Variants in NEK8 observed in about 807,000 individuals in gnomAD.
NEK8 encodes NIMA related kinase 8.
In NEK8, 51 loss-of-function variants were observed where a neutral mutation model predicts 77.2. That is an observed-to-expected ratio of 0.66 (90% CI 0.53 to 0.83). NEK8 has a LOEUF of 0.83. NEK8 is among the 40% of genes least tolerant of loss of function. NEK8 has a pLI of 0.00. For synonymous variants in NEK8, 365 were observed against 363.2 expected (o/e 1.00, Z -0.06); for missense variants, 787 against 909.2 (o/e 0.87, Z 1.73).
chr17:28,729,869 C>T (rs938254112), intron 1 of NEK8, among the ~76,000 whole-genome samples: 22 of 151,930 alleles, frequency 1.4e-4, no homozygotes, highest in African/African-American at 5.3e-4. Context: ...AAGGCCAAGA[C>T]TTGAGGAATG....
Position 28,737,986 on chromosome 17 carries a change from C to T in NEK8, c.1057C>T (p.Leu353Phe). The T allele has an allele frequency of 1.9e-6, 3 of 1,612,114 alleles. No individual in the cohort carries two copies. Among genetic ancestry groups the T allele is most frequent in the South Asian group, 2.2e-5 (2 of 91,028 alleles). ...AGCCGGCGTCACGCGCTCTGGGCGT[C>T]TCATCCTGTGGGAGGTGAGCAGGCC... ...QKAGVTRSGRLILWEAPPLGA... is the reference protein window; with the variant it reads ...QKAGVTRSGRFILWEAPPLGA... Residue 353 changes from leucine to phenylalanine, a missense_variant, in exon 7 of 15, where the codon CTC becomes TTC. This residue lies in a region of NEK8 where 516 missense variants were observed against 544.0 expected (regional missense o/e 0.95). Coordinates refer to ENST00000268766, the MANE Select transcript of NEK8 (RefSeq NM_178170.3). The surrounding 1 kb of genome is among the most constrained non-coding windows in gnomAD (Gnocchi z 4.8).
chr17:28,738,363 G>A (rs2034388228), intron 8 of NEK8, 118 bp downstream of exon 8: 2 of 1,251,032 alleles, frequency 1.6e-6, no homozygotes. Flanking sequence ...TCGAGTTATT[G>A]CTTCTGTCTA....
rs746222138 is a variant in NEK8, at chr17:28,741,414, G to A, written c.1893G>A (p.Glu631=). Residue 631 remains glutamate (E), a splice_region_variant and synonymous_variant, in exon 14 of 15, where the codon GAG becomes GAA. Coordinates refer to ENST00000268766, the MANE Select transcript of NEK8 (RefSeq NM_178170.3). This position sits in a 1 kb window ranked among gnomAD's most constrained non-coding sequence, Gnocchi z 4.5. ...GDAFTVAIGA[E]SEVYSWGKGA... ...CCTCCTGGGGATTCTTCCTGGCAGA[G>A]AGCGAAGTGTACTCTTGGGGCAAAG... is the stretch of plus-strand genomic sequence containing the variant. 51 of 1,613,902 alleles carry A rather than the reference G, an allele frequency of 3.2e-5. No homozygotes were observed. In the Admixed American group the frequency reaches 3.5e-4, roughly 11 times the overall value.
intron 2 of NEK8, 67 bp downstream of exon 2, chr17:28,734,255 T>G: frequency 7.3e-7 from 1 of 1,373,938 alleles, no homozygotes; most frequent in South Asian, 1.2e-5. Flanking sequence ...CAGACACAGA[T>G]CTCCTGGCTT....
intron 1 of NEK8, among the ~76,000 whole-genome samples, chr17:28,730,152 G>C (rs532590388): frequency 6.6e-6 from 1 of 152,024 alleles, no homozygotes; most frequent in Non-Finnish European, 1.5e-5. Context: ...TTGCACTGTC[G>C]CTCAGGCTGG....
At chr17:28,730,201 C>T (rs2151730345) in intron 1 of NEK8, among the ~76,000 whole-genome samples, 1 of 152,132 alleles carries the variant, frequency 6.6e-6, no homozygotes, top group Non-Finnish European at 1.5e-5. Flanking sequence ...ATCTCCGCCT[C>T]CCGGGTTCAC....
intron 4 of NEK8, among the ~76,000 whole-genome samples, chr17:28,735,778 TTA>T (rs1035671627): frequency 5.8e-4 from 72 of 123,232 alleles, no homozygotes; most frequent in African/African-American, 2.1e-3. Flanking sequence ...GTTTATTTAT[TTA>T]TTTTTTTTAT....
chr17:28,728,949 C>A, intron 1 of NEK8, 89 bp downstream of exon 1: 2 of 1,215,264 alleles, frequency 1.6e-6, no homozygotes, highest in South Asian at 1.3e-5. Context: ...CGCCTAATCC[C>A]GCCCCAAGGC....
At chr17:28,735,165 C>T (rs2034351042) in intron 3 of NEK8, 75 bp from the exon 4 acceptor site, 1 of 1,595,856 alleles carries the variant, frequency 6.3e-7, no homozygotes, top group African/African-American at 1.3e-5. Flanking sequence ...AAGAAGCTGT[C>T]CCCAAATGGG....
At position 28,741,659 on chromosome 17, in the gene NEK8, A is replaced by C; in HGVS notation, c.2050+88A>C. 3 of 1,410,460 alleles carry C rather than the reference A, an allele frequency of 2.1e-6. No individual in the cohort carries two copies. The highest frequency in any genetic ancestry group is 3.0e-6 in the Non-Finnish European group (3 of 998,430). 87.4% of individuals were successfully genotyped at this position (1,410,460 alleles called of 1,614,324 possible). On this transcript the variant is annotated intron_variant, in intron 14 of 14. Transcript: ENST00000268766. The surrounding 1 kb of genome is among the most constrained non-coding windows in gnomAD (Gnocchi z 4.5). ...CCCAGTGTTCACAGATGGCCACATC[A>C]CCAAAAGCATCTTTAGCCCCCAGAT...
Position 28,738,150 on chromosome 17 carries a change from C to G in NEK8, c.1127C>G (p.Pro376Arg). The G allele has an allele frequency of 6.2e-7, 1 of 1,614,136 alleles. No homozygotes were observed. Among genetic ancestry groups the G allele is most frequent in the Non-Finnish European group, 8.5e-7 (1 of 1,180,002 alleles). Residue 376 changes from proline (P) to arginine (R), a missense_variant, in exon 8 of 15, where the codon CCA (proline) becomes CGA (arginine). Pro to Arg is a moderately radical substitution (Grantham distance 103, BLOSUM62 -2). Coordinates refer to ENST00000268766, the MANE Select transcript of NEK8 (RefSeq NM_178170.3). ...CTCCTTCCTGGGGCAGTGGAGCAGCCACAGCCCCAGTTCATCTCGCGTTTC... is the reference window on the plus strand; with the variant it reads ...CTCCTTCCTGGGGCAGTGGAGCAGCGACAGCCCCAGTTCATCTCGCGTTTC... Reference protein sequence around the residue: ...GSLLPGAVEQPQPQFISRFLE... With the variant: ...GSLLPGAVEQRQPQFISRFLE...
At position 28,741,428 on chromosome 17, in the gene NEK8, C is replaced by G; in HGVS notation, c.1907C>G (p.Ser636Cys). ...TTCCTGGCAGAGAGCGAAGTGTACT[C>G]TTGGGGCAAAGGGGCGCGAGGTCGA... ...VAIGAESEVY[S>C]WGKGARGRLG... The change falls in exon 14 of 15, where the codon TCT becomes TGT. Residue 636 changes from serine (S) to cysteine (C), a missense_variant. Transcript: ENST00000268766. The surrounding 1 kb of genome is among the most constrained non-coding windows in gnomAD (Gnocchi z 4.5). 1 of 1,614,090 alleles carries G rather than the reference C, an allele frequency of 6.2e-7. No homozygotes were observed. Among genetic ancestry groups the G allele is most frequent in the Non-Finnish European group, 8.5e-7 (1 of 1,179,996 alleles).
chr17:28,741,439 G>T lies in NEK8; in HGVS notation c.1918G>T (p.Gly640Trp), dbSNP rs1256017260. The change falls in exon 14 of 15, where the codon GGG becomes TGG. Residue 640 changes from glycine to tryptophan, a missense_variant. Gly to Trp is a radical substitution (Grantham distance 184). Coordinates refer to ENST00000268766, the MANE Select transcript of NEK8 (RefSeq NM_178170.3). This position sits in a 1 kb window ranked among gnomAD's most constrained non-coding sequence, Gnocchi z 4.5. ...AESEVYSWGK[G>W]ARGRLGRRDE... ...GAGCGAAGTGTACTCTTGGGGCAAA[G>T]GGGCGCGAGGTCGATTGGGAAGGAG... The T allele has an allele frequency of 3.1e-6, 5 of 1,614,144 alleles. No homozygotes were observed. Among genetic ancestry groups the T allele is most frequent in the Non-Finnish European group, 4.2e-6 (5 of 1,180,012 alleles).
At chr17:28,738,054 G>A in intron 7 of NEK8, 41 bp from the exon 8 acceptor site, 1 of 1,613,010 alleles carries the variant, frequency 6.2e-7, no homozygotes, top group Non-Finnish European at 8.5e-7. Flanking sequence ...CCACAGCAGG[G>A]TTGGGGTGCT....
Position 28,741,344 on chromosome 17 carries a change from T to C in NEK8, c.1892-69T>C. On this transcript the variant is annotated intron_variant, in intron 13 of 14. Transcript: ENST00000268766. The surrounding 1 kb of genome is among the most constrained non-coding windows in gnomAD (Gnocchi z 4.5). ...AGCCTCCCAGGGGCCATCCTGGCAA[T>C]GTGGGAGGGGAGATCCTGCTCGGGC... 6.2e-7 allele frequency: 1 copy of C among 1,600,566 alleles called. No individual in the cohort carries two copies. Among genetic ancestry groups the C allele is most frequent in the African/African-American group, 1.3e-5 (1 of 74,768 alleles).
Position 28,740,726 on chromosome 17 carries a change from C to A in NEK8, c.1569-96C>A. On this transcript the variant is annotated intron_variant, in intron 11 of 14. Transcript: ENST00000268766. The surrounding 1 kb of genome is among the most constrained non-coding windows in gnomAD (Gnocchi z 4.7). ...ACCAGAATTGAGGGGGTTGAGGGTG[C>A]TATTGGTTCAACCCAGGGTGGGATC... The A allele has an allele frequency of 1.3e-6, 2 of 1,565,662 alleles. No homozygotes were observed. The highest frequency in any genetic ancestry group is 8.8e-7 in the Non-Finnish European group (1 of 1,137,576).
chr17:28,737,969 TCA>T lies in NEK8; in HGVS notation c.1042_1043del (p.Thr348AlafsTer60). ...GCTGGGCGCACGCAGAAAGCCGGCG[TCA>T]CGCGCTCTGGGCGTCTCATCCTGTG... On this transcript the variant is annotated frameshift_variant, in exon 7 of 15. Coordinates refer to ENST00000268766, the MANE Select transcript of NEK8 (RefSeq NM_178170.3). LOFTEE classifies it high-confidence loss of function. This position sits in a 1 kb window ranked among gnomAD's most constrained non-coding sequence, Gnocchi z 4.8. The T allele has an allele frequency of 1.2e-6, 2 of 1,612,030 alleles. No individual in the cohort carries two copies. The highest frequency in any genetic ancestry group is 1.7e-6 in the Non-Finnish European group (2 of 1,178,806).
rs983735559 is a variant in NEK8 at position 28,737,890 on chromosome 17, C to G, written c.961C>G (p.Leu321Val). Residue 321 changes from leucine to valine, a missense_variant, in exon 7 of 15, where the codon CTG (leucine) becomes GTG (valine). Physicochemically the swap from Leu to Val is conservative, Grantham distance 32. Around this residue, in one of 2 missense-constraint regions of NEK8, gnomAD observed 516 missense variants for 544.0 expected, o/e 0.95. Transcript: ENST00000268766. The surrounding 1 kb of genome is among the most constrained non-coding windows in gnomAD (Gnocchi z 4.8). Reference protein sequence around the residue: ...LSSVYAWGGGLGTPLRLPMLN... With the variant: ...LSSVYAWGGGVGTPLRLPMLN... ...GTCAGTGTATGCCTGGGGTGGTGGG[C>G]TGGGCACCCCCCTGCGGCTGCCAAT... 6.2e-7 allele frequency: 1 copy of G among 1,613,726 alleles called. No homozygotes were observed. Among genetic ancestry groups the G allele is most frequent in the African/African-American group, 1.3e-5 (1 of 74,924 alleles).
In NEK8 at chr17:28,741,844, CT is replaced by C. The variant is rs1273758641; in HGVS notation, c.2051-112del. 1 of 1,164,318 alleles carries C rather than the reference CT, an allele frequency of 8.6e-7. No individual in the cohort carries two copies. The highest frequency in any genetic ancestry group is 1.5e-5 in the African/African-American group (1 of 66,226). The allele number at this position is 1,164,318 out of a possible 1,614,324, so 72.1% of individuals were successfully genotyped here. A position where few individuals can be genotyped will look rare whatever the true frequency, so the allele number is the denominator to read the frequency against. ...TGAGTCCCGTTGATGCTGAAACTCT[CT>C]TTCTGGCCTAACAGGGTCCAGAATC... On this transcript the variant is annotated intron_variant, in intron 14 of 14. Transcript: ENST00000268766. This position sits in a 1 kb window ranked among gnomAD's most constrained non-coding sequence, Gnocchi z 4.5.
Sources: allele counts gnomAD v4.1 joint callset (sites outside exome capture counted in the v4.1 genomes callset), GRCh38; gene constraint gnomAD v4.1.1; regional missense constraint gnomAD v4.1.1; non-coding constraint Gnocchi (gnomAD v3.1); transcripts MANE v1.5; gene names NCBI Gene and HGNC (gene_info 2026-07-23, HGNC 2026-07-21).